Variants in FAM83E observed in about 807,000 individuals in gnomAD.
FAM83E encodes scaffolding CK1 anchoring protein E.
A neutral mutation model predicts 34.3 loss-of-function variants in FAM83E; 29 were observed. The ratio of observed to expected loss-of-function variants is 0.85; its 90% CI spans 0.63 to 1.15. The LOEUF (loss-of-function observed/expected upper bound fraction) is 1.15, where lower values mean the gene tolerates loss of function less well. Ranked by LOEUF, FAM83E falls within the 50% of genes most tolerant of loss-of-function variation. The pLI, the probability that FAM83E is intolerant of heterozygous loss-of-function variation, is 0.00. For synonymous variants in FAM83E, 312 were observed against 311.6 expected, an observed-to-expected ratio of 1.00 and a Z score of -0.01; for missense variants, 697 against 685.0, an observed-to-expected ratio of 1.02 and a Z score of -0.20.
rs1974126566 is a variant in FAM83E, at chr19:48,614,993, G to C, written c.-1444C>G. 2 of 202,532 alleles carry C rather than the reference G, an allele frequency of 9.9e-6. No individual in the cohort carries two copies. The highest frequency in any genetic ancestry group is 4.7e-5 in the African/African-American group (2 of 42,584). 12.5% of individuals were successfully genotyped at this position (202,532 alleles called of 1,614,324 possible). A position where few individuals can be genotyped will look rare whatever the true frequency, so the allele number is the denominator to read the frequency against. On this transcript the variant is annotated 5_prime_UTR_variant, in exon 1 of 7. Transcript: ENST00000263266. ...AGACTCAGGCTTCCCGGTCCCCGGG[G>C]GGTTGAGATTGCCTCACCTGTTCCC...
At chr19:48,604,750 G>C (rs1973894357) in intron 5 of FAM83E, among the ~76,000 whole-genome samples, 1 of 149,894 alleles carries the variant, frequency 6.7e-6, no homozygotes, top group East Asian at 2.0e-4. Context: ...AGCCAGATGC[G>C]GTGGCTCACT....
At chr19:48,614,662 CCT>C in intron 2 of FAM83E, 35 bp from the exon 3 acceptor site, 1 of 985,918 alleles carries the variant, frequency 1.0e-6, no homozygotes, top group Non-Finnish European at 1.2e-6. Flanking sequence ...GGCAGGCCAG[CCT>C]CCCCGCCCCA....
At position 48,603,748 on chromosome 19, in the gene FAM83E, C is replaced by G; in HGVS notation, c.922G>C (p.Gly308Arg). Residue 308 changes from glycine (G) to arginine (R), a missense_variant, in exon 6 of 7, where the codon GGC becomes CGC. Gly to Arg is a moderately radical substitution (Grantham distance 125, BLOSUM62 -2). Coordinates refer to ENST00000263266, the MANE Select transcript of FAM83E (RefSeq NM_017708.4). ...KPSVIGGLQR[G>R]RSPHRVSRRR... is the part of the protein sequence containing the mutation. ...CGGGACACGCGGTGCGGGCTGCGGC[C>G]CCGCTGCAGGCCACCTATGACCGAG... 6.5e-7 allele frequency: 1 copy of G among 1,549,582 alleles called. No individual in the cohort carries two copies. Among genetic ancestry groups the G allele is most frequent in the South Asian group, 1.2e-5 (1 of 84,044 alleles).
chr19:48,605,570 A>ATTT (rs796815207), intron 5 of FAM83E, among the ~76,000 whole-genome samples: 56 of 142,648 alleles, frequency 3.9e-4, no homozygotes, highest in East Asian at 1.9e-3. Flanking sequence ...GCAAGATCCT[A>ATTT]TTTTTTTTTT....
intron 6 of FAM83E, among the ~76,000 whole-genome samples, chr19:48,602,702 AAAATATATATATATATATATATATATAT>A (rs1462660205): frequency 9.3e-5 from 4 of 42,890 alleles, no homozygotes; most frequent in African/African-American, 1.3e-4. Context: ...AAAAAAAAAA[AAAATATATATATATATATATATATATAT>A]ATATATATAT....
chr19:48,613,457 G>T lies in FAM83E; in HGVS notation c.-85C>A. 1 of 1,440,464 alleles carries T rather than the reference G, an allele frequency of 6.9e-7. No individual in the cohort carries two copies. The highest frequency in any genetic ancestry group is 9.1e-7 in the Non-Finnish European group (1 of 1,100,676). 89.2% of individuals were successfully genotyped at this position (1,440,464 alleles called of 1,614,324 possible). ...TCTCTGGGGACTGTGATCATCTGGG[G>T]GTTCTCCTGATAGGCAGACCCTACG... is the stretch of plus-strand genomic sequence containing the variant. On this transcript the variant is annotated 5_prime_UTR_variant, in exon 3 of 7. Transcript: ENST00000263266.
At chr19:48,610,355 C>T (rs570544566) in intron 4 of FAM83E, among the ~76,000 whole-genome samples, 35 of 146,068 alleles carry the variant, frequency 2.4e-4, no homozygotes, top group Non-Finnish European at 3.7e-4. Context: ...GCCGAGATCA[C>T]GCCACTGCAC....
chr19:48,611,356 G>A (rs1206442473), intron 3 of FAM83E, among the ~76,000 whole-genome samples: 1 of 151,014 alleles, frequency 6.6e-6, no homozygotes, highest in African/African-American at 2.4e-5. Flanking sequence ...TTTTAGTAGA[G>A]ATGGGCTTTC....
At chr19:48,606,065 C>T (rs746751921) in intron 5 of FAM83E, among the ~76,000 whole-genome samples, 24 of 151,712 alleles carry the variant, frequency 1.6e-4, no homozygotes, top group Admixed American at 5.3e-4. Flanking sequence ...AATCCCAGCA[C>T]TTTGGGAGGT....
rs1568423342 is a variant in FAM83E at position 48,614,757 on chromosome 19, T to C, written c.-1305A>G. On this transcript the variant is annotated 5_prime_UTR_variant, in exon 2 of 7. Coordinates refer to ENST00000263266, the MANE Select transcript of FAM83E (RefSeq NM_017708.4). ...ATGGCCTCCCTTCCAGTGCCTGCTTTTTCCGAGAACGTAGGCTGTGGCTCC... is the reference window on the plus strand; with the variant it reads ...ATGGCCTCCCTTCCAGTGCCTGCTTCTTCCGAGAACGTAGGCTGTGGCTCC... The C allele has an allele frequency of 1.0e-6, 1 of 985,268 alleles. No individual in the cohort carries two copies. Among genetic ancestry groups the C allele is most frequent in the Non-Finnish European group, 1.2e-6 (1 of 829,980 alleles). 61.0% of individuals were successfully genotyped at this position (985,268 alleles called of 1,614,324 possible). A position where few individuals can be genotyped will look rare whatever the true frequency, so the allele number is the denominator to read the frequency against.
At chr19:48,612,869 C>T (rs772004142) in intron 3 of FAM83E, 39 bp downstream of exon 3, 3 of 1,487,986 alleles carry the variant, frequency 2.0e-6, no homozygotes, top group Non-Finnish European at 1.8e-6. Context: ...GTCCCCGTCC[C>T]AGTCTGGTGA....
Position 48,601,233 on chromosome 19 carries a change from C to A in FAM83E, c.1313G>T (p.Arg438Leu), listed in dbSNP as rs748622195. The part of the protein sequence containing the change: ...GGALPLPPAH[R>L]LRYLSPARRR... ...TCGGGCTGGGGACAGATAGCGGAGG[C>A]GGTGGGCGGGGGGCAGGGGCAGGGC... is the stretch of plus-strand genomic sequence containing the variant. Residue 438 changes from arginine to leucine, a missense_variant, in exon 7 of 7, where the codon CGC becomes CTC. Physicochemically the swap from Arg to Leu is moderately radical, Grantham distance 102. Transcript: ENST00000263266. The A allele has an allele frequency of 2.5e-6, 4 of 1,607,020 alleles. No individual in the cohort carries two copies. The South Asian group carries it at 4.4e-5, about 18-fold the overall frequency.
At chr19:48,604,728 CAA>C (rs368012850) in intron 5 of FAM83E, among the ~76,000 whole-genome samples, 12 of 135,412 alleles carry the variant, frequency 8.9e-5, no homozygotes, top group Admixed American at 2.3e-4. Context: ...GCCCCCCTCC[CAA>C]AAAAAAAAAA....
At position 48,613,308 on chromosome 19, in the gene FAM83E, C is replaced by T; in HGVS notation, c.65G>A (p.Ser22Asn). 6.2e-7 allele frequency: 1 copy of T among 1,602,270 alleles called. No individual in the cohort carries two copies. The highest frequency in any genetic ancestry group is 8.5e-7 in the Non-Finnish European group (1 of 1,176,830). ...GCCCTCGGAATATAGAAAGCCGGGG[C>T]TGGCCCCGGGCACCCTGGGACCGGA... is the stretch of plus-strand genomic sequence containing the variant. Reference protein sequence around the residue: ...VDSGPRVPGASPGFLYSEGQR... With the variant: ...VDSGPRVPGANPGFLYSEGQR... The change falls in exon 3 of 7, where the codon AGC (serine) becomes AAC (asparagine). Residue 22 changes from serine to asparagine, a missense_variant. Coordinates refer to ENST00000263266, the MANE Select transcript of FAM83E (RefSeq NM_017708.4).
In FAM83E at chr19:48,613,116, T is replaced by C; in HGVS notation, c.257A>G (p.Glu86Gly). The C allele has an allele frequency of 1.2e-6, 2 of 1,611,264 alleles. No individual in the cohort carries two copies. The change falls in exon 3 of 7, where the codon GAG becomes GGG. Residue 86 changes from glutamate to glycine, a missense_variant. Glu to Gly is a moderately conservative substitution (Grantham distance 98). Coordinates refer to ENST00000263266, the MANE Select transcript of FAM83E (RefSeq NM_017708.4). ...GTCCACATCGGTGGTGGTGGCTCCC[T>C]CTGCCATCCCGCTGGGCTCCTGCTT... is the stretch of plus-strand genomic sequence containing the variant. ...VAKQEPSGMA[E>G]GATTTDVDAG...
Position 48,614,167 on chromosome 19 carries a change from C to T in FAM83E, c.-795G>A, listed in dbSNP as rs1974101862. The T allele has an allele frequency of 2.0e-6, 2 of 984,098 alleles. No homozygotes were observed. Among genetic ancestry groups the T allele is most frequent in the Non-Finnish European group, 2.4e-6 (2 of 828,742 alleles). The allele number at this position is 984,098 out of a possible 1,614,324, so 61.0% of individuals were successfully genotyped here. A position where few individuals can be genotyped will look rare whatever the true frequency, so the allele number is the denominator to read the frequency against. On this transcript the variant is annotated 5_prime_UTR_variant, in exon 3 of 7. Transcript: ENST00000263266. ...CTTCCCTACCCTGTCAATGGGGGACCCTGCTCCCTGGACCCTCCTCACACT... is the reference window on the plus strand; with the variant it reads ...CTTCCCTACCCTGTCAATGGGGGACTCTGCTCCCTGGACCCTCCTCACACT...
chr19:48,601,120 C>A lies in FAM83E; in HGVS notation c.1426G>T (p.Gly476Trp). The stretch of plus-strand genomic sequence containing the variant: ...GCTTGGGCTCCTGTTCAGGGTTGCC[C>A]CCCAAGTCCTGCCCGGGGGGCCCAG... Reference protein sequence around the residue: ...SDWAPRAGLGGQP With the variant: ...SDWAPRAGLGWQP The change falls in exon 7 of 7, where the codon GGG becomes TGG. Residue 476 changes from glycine to tryptophan, a missense_variant. Gly to Trp is a radical substitution (Grantham distance 184). Coordinates refer to ENST00000263266, the MANE Select transcript of FAM83E (RefSeq NM_017708.4). The A allele has an allele frequency of 6.2e-7, 1 of 1,611,504 alleles. No individual in the cohort carries two copies. The highest frequency in any genetic ancestry group is 1.3e-5 in the African/African-American group (1 of 74,932).
intron 5 of FAM83E, chr19:48,606,971 A>G: frequency 6.2e-7 from 1 of 1,601,770 alleles, no homozygotes; most frequent in South Asian, 1.1e-5. Flanking sequence ...CAACGCCGCC[A>G]GGCCGCCATG....
rs1974105991 is a variant in FAM83E, at chr19:48,614,380, A to G, written c.-1008T>C. 1 of 984,956 alleles carries G rather than the reference A, an allele frequency of 1.0e-6. No individual in the cohort carries two copies. Among genetic ancestry groups the G allele is most frequent in the South Asian group, 4.7e-5 (1 of 21,264 alleles). The allele number at this position is 984,956 out of a possible 1,614,324, so 61.0% of individuals were successfully genotyped here. A position where few individuals can be genotyped will look rare whatever the true frequency, so the allele number is the denominator to read the frequency against. ...CCAGGCCGTCCTCTGATCTGCGGGG[A>G]GCCCTACCCAAGCTGCCCCCAGCCT... is the stretch of plus-strand genomic sequence containing the variant. On this transcript the variant is annotated 5_prime_UTR_variant, in exon 3 of 7. Coordinates refer to ENST00000263266, the MANE Select transcript of FAM83E (RefSeq NM_017708.4).
Sources: allele counts gnomAD v4.1 joint callset (sites outside exome capture counted in the v4.1 genomes callset), GRCh38; gene constraint gnomAD v4.1.1; transcripts MANE v1.5; gene names NCBI Gene and HGNC (gene_info 2026-07-23, HGNC 2026-07-21).